SLC14A2: variants seen among roughly 807,000 people sequenced by gnomAD.
The protein encoded by SLC14A2 is solute carrier family 14 member 2.
Under a neutral mutation model 104.6 loss-of-function variants are expected in SLC14A2, and 91 were observed. The observed-to-expected ratio is 0.87, with a 90% confidence interval of 0.73 to 1.04. SLC14A2 has a LOEUF of 1.04. SLC14A2 is among the 50% of genes least tolerant of loss of function. The probability of loss-of-function intolerance (pLI) is 0.00; values close to 1 mark genes in which losing one functional copy is unlikely to be tolerated. For synonymous variants in SLC14A2, 476 were observed against 466.4 expected (o/e 1.02, Z -0.27); for missense variants, 1,189 against 1,156.0 (o/e 1.03, Z -0.41).
the SLC14A2 span, among the ~76,000 whole-genome samples, chr18:45,184,702 A>G: frequency 0.01 from 1,596 of 152,372 alleles, 40 homozygotes; most frequent in African/African-American, 0.036. Context: ...ACAAGGCATA[A>G]GTAGTAAACT....
chr18:45,680,433 C>T (rs944981194), intron 19 of SLC14A2, among the ~76,000 whole-genome samples: 17 of 152,106 alleles, frequency 1.1e-4, no homozygotes, highest in African/African-American at 3.9e-4. Flanking sequence ...GGCCACTCTC[C>T]GGAATATAAA....
chr18:45,679,933 C>T (rs994915327), intron 19 of SLC14A2, among the ~76,000 whole-genome samples: 1 of 152,160 alleles, frequency 6.6e-6, no homozygotes, highest in Non-Finnish European at 1.5e-5. Context: ...CTTCTTCTAC[C>T]CTCAGCCAGT....
At chr18:45,176,623 A>C in the SLC14A2 span, among the ~76,000 whole-genome samples, 61 of 152,266 alleles carry the variant, frequency 4.0e-4, no homozygotes, top group African/African-American at 1.4e-3. Context: ...AAAATGTCTT[A>C]TTTGACGTTG....
chr18:45,511,097 G>GT (rs34545088), intron 2 of SLC14A2, among the ~76,000 whole-genome samples: 71,577 of 150,592 alleles, frequency 0.48, 18,115 homozygotes, highest in South Asian at 0.62. Context: ...TTTTATTGTT[G>GT]TTTTTTTTTC....
At chr18:45,236,569 G>T (rs1276157152) in intron 1 of SLC14A2, among the ~76,000 whole-genome samples, 1 of 127,980 alleles carries the variant, frequency 7.8e-6, no homozygotes, top group Non-Finnish European at 1.6e-5. Flanking sequence ...GTGTATATAT[G>T]TATATATACA....
intron 2 of SLC14A2, among the ~76,000 whole-genome samples, chr18:45,508,133 A>T (rs1024566332): frequency 6.6e-6 from 1 of 152,170 alleles, no homozygotes; most frequent in Non-Finnish European, 1.5e-5. Flanking sequence ...TTCTGCGTAG[A>T]TCTCATGTTC....
At chr18:45,235,325 C>T (rs1023031529) in intron 1 of SLC14A2, among the ~76,000 whole-genome samples, 1 of 151,860 alleles carries the variant, frequency 6.6e-6, no homozygotes, top group Admixed American at 6.6e-5. Context: ...TTATGGGATC[C>T]AGTGTGATAT....
chr18:45,622,965 G>A (rs2045199434), intron 1 of SLC14A2, among the ~76,000 whole-genome samples: 1 of 152,190 alleles, frequency 6.6e-6, no homozygotes. Flanking sequence ...GTTGTTTGGT[G>A]AAAGCATGGA....
At chr18:45,254,142 C>T (rs902611197) in intron 1 of SLC14A2, among the ~76,000 whole-genome samples, 3 of 152,232 alleles carry the variant, frequency 2.0e-5, no homozygotes, top group Admixed American at 2.0e-4. Flanking sequence ...CATCCTGGGA[C>T]TGTCAACCAG....
intron 10 of SLC14A2, among the ~76,000 whole-genome samples, chr18:45,652,726 C>T (rs1349036822): frequency 6.6e-6 from 1 of 151,766 alleles, no homozygotes; most frequent in African/African-American, 2.4e-5. Flanking sequence ...CTTGAAGAGC[C>T]CTTGGTATCT....
rs1347595040 is a variant in SLC14A2, at chr18:45,480,938, T to C, written c.-124-2295T>C. Among the ~76,000 whole-genome samples, 19 of 151,796 alleles carry C rather than the reference T, an allele frequency of 1.3e-4. 1 individual carries two copies. The highest frequency in any genetic ancestry group is 1.2e-3 in the Admixed American group (19 of 15,242). On this transcript the variant is annotated intron_variant, in intron 1 of 20. Transcript: ENST00000586448. ...TTCTTCCCAGTTTTTAAAATATATA[T>C]ATATATATTAAGACTCACTAAGAAA... is the stretch of plus-strand genomic sequence containing the variant.
intron 1 of SLC14A2, among the ~76,000 whole-genome samples, chr18:45,352,476 G>A (rs981490588): frequency 6.6e-6 from 1 of 152,068 alleles, no homozygotes; most frequent in African/African-American, 2.4e-5. Context: ...TTTCTCTTCT[G>A]TCTTCCCATT....
chr18:45,352,314 C>G (rs1269377607), intron 1 of SLC14A2, among the ~76,000 whole-genome samples: 2 of 152,062 alleles, frequency 1.3e-5, no homozygotes, highest in East Asian at 3.9e-4. Context: ...CACCCCATAC[C>G]CATTCTTTCT....
the SLC14A2 span, among the ~76,000 whole-genome samples, chr18:45,171,999 C>T: frequency 6.6e-6 from 1 of 152,076 alleles, no homozygotes; most frequent in African/African-American, 2.4e-5. Flanking sequence ...TGTTATTTTC[C>T]ACAGACAATG....
At chr18:45,343,034 C>A (rs573719297) in intron 1 of SLC14A2, among the ~76,000 whole-genome samples, 1 of 152,242 alleles carries the variant, frequency 6.6e-6, no homozygotes, top group African/African-American at 2.4e-5. Context: ...GTTGCCAAGA[C>A]TAGCAGTAGC....
the SLC14A2 span, among the ~76,000 whole-genome samples, chr18:45,178,251 A>T: frequency 1.3e-5 from 2 of 152,034 alleles, no homozygotes; most frequent in Non-Finnish European, 2.9e-5. Context: ...TAATATAGAA[A>T]CAAGATGAAA....
chr18:45,580,200 C>G (rs879014251), intron 2 of SLC14A2, among the ~76,000 whole-genome samples: 2 of 152,138 alleles, frequency 1.3e-5, no homozygotes, highest in Non-Finnish European at 2.9e-5. Context: ...AGAACCATAG[C>G]TGGGACAGTG....
chr18:45,181,951 G>A, the SLC14A2 span, among the ~76,000 whole-genome samples: 1 of 152,022 alleles, frequency 6.6e-6, no homozygotes, highest in Non-Finnish European at 1.5e-5. Flanking sequence ...GAAATCAAAA[G>A]TACAATTACA....
At chr18:45,560,073 C>T (rs1053612818) in intron 2 of SLC14A2, among the ~76,000 whole-genome samples, 7 of 152,302 alleles carry the variant, frequency 4.6e-5, no homozygotes, top group African/African-American at 1.7e-4. Flanking sequence ...TGCCCCCTCC[C>T]AGGGAGCTCA....
Sources: gnomAD v4.1 joint callset for allele counts (sites outside exome capture counted in the v4.1 genomes callset) on GRCh38, gnomAD v4.1.1 for gene constraint, MANE v1.5 for transcripts, NCBI Gene and HGNC (gene_info 2026-07-23, HGNC 2026-07-21) for gene names.